Variants in REPS1 observed in about 807,000 individuals in gnomAD.
REPS1 encodes the protein ralBP1-associated Eps domain-containing protein 1.
A neutral mutation model predicts 100.9 loss-of-function variants in REPS1; 39 were observed. The observed-to-expected ratio is 0.39, with a 90% CI of 0.30 to 0.50. REPS1 has a LOEUF of 0.50. REPS1 is among the 20% of genes least tolerant of loss of function. REPS1 has a pLI of 0.86. For missense variants in REPS1, 821 were observed against 968.5 expected, an observed-to-expected ratio of 0.85 and a Z score of 2.02; for synonymous variants, 324 against 340.3, an observed-to-expected ratio of 0.95 and a Z score of 0.53.
intron 19 of REPS1, among the ~76,000 whole-genome samples, chr6:138,906,595 C>T (rs1779668600): frequency 2.0e-5 from 3 of 152,184 alleles, no homozygotes; most frequent in African/African-American, 7.2e-5. Flanking sequence ...AATTCCAGGA[C>T]AGTGTAATAA....
At chr6:138,973,579 T>C (rs776707299) in intron 1 of REPS1, among the ~76,000 whole-genome samples, 1 of 115,222 alleles carries the variant, frequency 8.7e-6, no homozygotes, top group Non-Finnish European at 2.0e-5. Flanking sequence ...TGTCAGAAAG[T>C]AATCTGACTT....
chr6:138,929,010 A>G (rs1781322977), intron 9 of REPS1: 1 of 152,212 alleles, frequency 6.6e-6, no homozygotes, highest in South Asian at 2.1e-4. Flanking sequence ...CTGTTTTCCA[A>G]CTGTCCAAAA....
chr6:138,921,107 A>T lies in REPS1; in HGVS notation c.1356T>A (p.His452Gln). 1 of 1,608,814 alleles carries T rather than the reference A, an allele frequency of 6.2e-7. No individual in the cohort carries two copies. The highest frequency in any genetic ancestry group is 8.5e-7 in the Non-Finnish European group (1 of 1,175,724). The change falls in exon 11 of 20, where the codon CAT becomes CAA. Residue 452 changes from histidine to glutamine, a missense_variant. His to Gln is a conservative substitution (Grantham distance 24, BLOSUM62 0). Transcript: ENST00000450536. ...APADPDTAIV[H>Q]PVPIRMTPSK... Reference sequence around the variant, plus strand: ...TTGGAGTCATACGAATGGGAACTGGATGAACAATAGCAGTATCCTAGAGAC... The same window carrying T: ...TTGGAGTCATACGAATGGGAACTGGTTGAACAATAGCAGTATCCTAGAGAC...
intron 1 of REPS1, among the ~76,000 whole-genome samples, chr6:138,958,086 G>A (rs1228474846): frequency 6.6e-6 from 1 of 152,170 alleles, no homozygotes. Context: ...AGGTAACAGA[G>A]AACCTGACAT....
intron 9 of REPS1, 179 bp from the exon 10 acceptor site, chr6:138,926,660 A>C: frequency 1.8e-6 from 1 of 568,658 alleles, no homozygotes; most frequent in East Asian, 3.0e-5. Context: ...GGTCACTTGT[A>C]ATGTAAGGTG....
chr6:138,906,462 T>C (rs1009044337), intron 19 of REPS1, among the ~76,000 whole-genome samples: 1 of 152,198 alleles, frequency 6.6e-6, no homozygotes, highest in East Asian at 1.9e-4. Context: ...CCTCTTTTTT[T>C]CCTCTCAAAA....
At position 138,941,337 on chromosome 6, in the gene REPS1, G is replaced by A. The variant is rs772326862; in HGVS notation, c.1133C>T (p.Ala378Val). 1.2e-6 allele frequency: 2 copies of A among 1,613,856 alleles called. No homozygotes were observed. The highest frequency in any genetic ancestry group is 2.2e-5 in the South Asian group (2 of 91,008). ...CTCTCTTCAGCTCCCAATCTTACCT[G>A]CTGAATCTTCCAAATCAATCAGTTT... ...MPKLIDLEDSADVGDQPGEVG... is the reference protein window; with the variant it reads ...MPKLIDLEDSVDVGDQPGEVG... The change falls in exon 8 of 20, where the codon GCA becomes GTA. Residue 378 changes from alanine to valine, a missense_variant and splice_region_variant. Ala to Val is a moderately conservative substitution (Grantham distance 64). Coordinates refer to ENST00000450536, the MANE Select transcript of REPS1 (RefSeq NM_001286611.2).
Position 138,947,666 on chromosome 6 carries a change from C to T in REPS1, c.277+124G>A, listed in dbSNP as rs541961592. ...ATGCAAGGTAGTGGGAATAAAGTCA[C>T]GACACTTCACTCAAGGTCACAAATG... On this transcript the variant is annotated intron_variant, in intron 2 of 19. Transcript: ENST00000450536. 223 of 831,018 alleles carry T rather than the reference C, an allele frequency of 2.7e-4. 2 individuals are homozygous for T. The Middle Eastern group carries it at 7.5e-3, about 28-fold the overall frequency. 51.5% of individuals were successfully genotyped at this position (831,018 alleles called of 1,614,324 possible).
chr6:138,943,949 T>C lies in REPS1; in HGVS notation c.820A>G (p.Ser274Gly). 5 of 1,613,696 alleles carry C rather than the reference T, an allele frequency of 3.1e-6. No individual in the cohort carries two copies. Among genetic ancestry groups the C allele is most frequent in the Non-Finnish European group, 4.2e-6 (5 of 1,179,656 alleles). Residue 274 changes from serine (S) to glycine (G), a missense_variant, in exon 6 of 20, where the codon AGT (serine) becomes GGT (glycine). This residue lies in a region of REPS1 where 757 missense variants were observed against 866.4 expected (regional missense o/e 0.87). Transcript: ENST00000450536. Reference sequence around the variant, plus strand: ...GTTATTTTCCAGGGATCATCATAACTACTGGATTGCCTACGAATTTCAATG... The same window carrying C: ...GTTATTTTCCAGGGATCATCATAACCACTGGATTGCCTACGAATTTCAATG... ...TAIEIRRQSS[S>G]YDDPWKITDE...
chr6:138,907,343 G>A (rs955626264), intron 19 of REPS1, 152 bp downstream of exon 19: 5 of 358,548 alleles, frequency 1.4e-5, no homozygotes, highest in South Asian at 7.9e-5. Flanking sequence ...TGTGTGTGGC[G>A]GGGAGGGGTT....
chr6:138,905,027 T>G lies in REPS1; in HGVS notation c.*37A>C. 1 of 1,608,462 alleles carries G rather than the reference T, an allele frequency of 6.2e-7. No individual in the cohort carries two copies. The highest frequency in any genetic ancestry group is 8.5e-7 in the Non-Finnish European group (1 of 1,175,446). ...AAATTGGCTTTGAACCCAAAACCACTTAAAAACAAGTATGTTCACAGTTAA... is the reference window on the plus strand; with the variant it reads ...AAATTGGCTTTGAACCCAAAACCACGTAAAAACAAGTATGTTCACAGTTAA... On this transcript the variant is annotated 3_prime_UTR_variant, in exon 20 of 20. Transcript: ENST00000450536.
chr6:138,941,263 G>C, intron 8 of REPS1, 72 bp downstream of exon 8: 1 of 1,511,650 alleles, frequency 6.6e-7, no homozygotes, highest in Non-Finnish European at 9.1e-7. Context: ...CCTCTATCTT[G>C]ATTTTTCTTT....
chr6:138,968,225 A>G (rs992447362), intron 1 of REPS1, among the ~76,000 whole-genome samples: 1 of 152,160 alleles, frequency 6.6e-6, no homozygotes, highest in African/African-American at 2.4e-5. Flanking sequence ...AACTCCTAAG[A>G]ATTAAACTTC....
chr6:138,917,972 C>T (rs370242803), intron 12 of REPS1, among the ~76,000 whole-genome samples: 1 of 151,886 alleles, frequency 6.6e-6, no homozygotes, highest in Non-Finnish European at 1.5e-5. Flanking sequence ...TTCAACCAAC[C>T]GCAAACAGAA....
intron 1 of REPS1, among the ~76,000 whole-genome samples, chr6:138,986,079 G>A (rs1785242406): frequency 1.3e-5 from 2 of 152,160 alleles, no homozygotes; most frequent in Admixed American, 6.5e-5. Context: ...CACACTACCA[G>A]CACCCTTCGT....
chr6:138,922,867 T>C (rs761346296), intron 10 of REPS1, among the ~76,000 whole-genome samples: 1 of 152,248 alleles, frequency 6.6e-6, no homozygotes, highest in African/African-American at 2.4e-5. Flanking sequence ...CACCAAGCCC[T>C]TGCTAGAGAA....
At chr6:138,963,526 C>G (rs935497145) in intron 1 of REPS1, among the ~76,000 whole-genome samples, 11 of 152,186 alleles carry the variant, frequency 7.2e-5, no homozygotes, top group African/African-American at 2.4e-4. Context: ...GAATCAACCC[C>G]TTCTTACTTG....
intron 1 of REPS1, among the ~76,000 whole-genome samples, chr6:138,984,506 T>G (rs1300043772): frequency 6.6e-6 from 1 of 152,196 alleles, no homozygotes; most frequent in East Asian, 1.9e-4. Context: ...GCAGGATGTT[T>G]AGCAACATTT....
chr6:138,921,963 C>G (rs1296393229), intron 10 of REPS1, among the ~76,000 whole-genome samples: 2 of 118,210 alleles, frequency 1.7e-5, no homozygotes, highest in African/African-American at 6.6e-5. Context: ...CAGAGCTAGA[C>G]CACATCTCAA....
Sources: gnomAD v4.1 joint callset for allele counts (sites outside exome capture counted in the v4.1 genomes callset) on GRCh38, gnomAD v4.1.1 for gene constraint, gnomAD v4.1.1 regional missense constraint, MANE v1.5 for transcripts, NCBI Gene and HGNC (gene_info 2026-07-23, HGNC 2026-07-21) for gene names.